The following P4HA1 variants were observed in gnomAD, a reference collection of about 807,000 sequenced individuals.
The protein encoded by P4HA1 is prolyl 4-hydroxylase subunit alpha-1.
In P4HA1, 24 loss-of-function variants were observed where a neutral mutation model predicts 72.8. The ratio of observed to expected loss-of-function variants is 0.33; its 90% confidence interval spans 0.24 to 0.46. P4HA1 has a LOEUF of 0.46. Among genes scored for constraint, P4HA1 ranks in the 20% least tolerant of loss-of-function variants. The pLI, the probability that P4HA1 is intolerant of heterozygous loss-of-function variation, is 1.00. For synonymous variants in P4HA1, 201 were observed against 218.8 expected (o/e 0.92, Z 0.72); for missense variants, 446 against 640.6 (o/e 0.70, Z 3.28).
chr10:73,047,714 T>G (rs2133091183), intron 7 of P4HA1, among the ~76,000 whole-genome samples: 1 of 152,236 alleles, frequency 6.6e-6, no homozygotes, highest in Non-Finnish European at 1.5e-5. Context: ...CATCTATGTA[T>G]TATATTAATA....
intron 10 of P4HA1, among the ~76,000 whole-genome samples, chr10:73,019,616 T>C (rs1196272186): frequency 1.3e-5 from 2 of 149,002 alleles, no homozygotes; most frequent in African/African-American, 4.9e-5. Flanking sequence ...AAGAATTCAA[T>C]GAATGCAGGA....
chr10:73,029,642 G>GTT lies in P4HA1; in HGVS notation c.1248+627_1248+628dup, dbSNP rs770544011. On this transcript the variant is annotated intron_variant, in intron 10 of 14. Transcript: ENST00000394890. ...TCTCTGGTTTATAGGCCTATGCTTA[G>GTT]TTTTTTTTTTTTACTATTGAAACCA... Among the ~76,000 whole-genome samples, 22 of 146,106 alleles carry GTT rather than the reference G, an allele frequency of 1.5e-4. No homozygotes were observed. In the East Asian group the frequency reaches 2.8e-3, roughly 18 times the overall value.
At chr10:73,046,103 T>C (rs996145667) in intron 8 of P4HA1, among the ~76,000 whole-genome samples, 4 of 152,174 alleles carry the variant, frequency 2.6e-5, no homozygotes, top group Non-Finnish European at 5.9e-5. Context: ...TTTTGCACTA[T>C]AATGGCAGAA....
At chr10:73,014,178 T>C in intron 12 of P4HA1, 46 bp downstream of exon 12, 1 of 1,218,280 alleles carries the variant, frequency 8.2e-7, no homozygotes, top group Non-Finnish European at 1.2e-6. Context: ...AAATGAATCT[T>C]GTCATCAAAT....
chr10:73,017,907 A>G (rs1272421172), intron 10 of P4HA1, among the ~76,000 whole-genome samples: 3 of 152,228 alleles, frequency 2.0e-5, no homozygotes, highest in Non-Finnish European at 4.4e-5. Context: ...AAATCAAAGG[A>G]GAACATAATT....
At chr10:73,093,014 G>A (rs1173868263) in intron 1 of P4HA1, among the ~76,000 whole-genome samples, 1 of 151,786 alleles carries the variant, frequency 6.6e-6, no homozygotes, top group Non-Finnish European at 1.5e-5. Flanking sequence ...AGCTACACCC[G>A]GAGGCTGAGG....
chr10:73,028,150 G>T (rs1471014055), intron 10 of P4HA1, among the ~76,000 whole-genome samples: 2 of 151,980 alleles, frequency 1.3e-5, no homozygotes, highest in Non-Finnish European at 2.9e-5. Context: ...GATTCAGTGT[G>T]TTGGGTGAAC....
chr10:73,092,693 T>A (rs748282621), intron 1 of P4HA1, among the ~76,000 whole-genome samples: 1 of 150,256 alleles, frequency 6.7e-6, no homozygotes, highest in Non-Finnish European at 1.5e-5. Flanking sequence ...AAAAAAAAAA[T>A]TTAAATATAA....
intron 7 of P4HA1, among the ~76,000 whole-genome samples, chr10:73,049,935 G>A (rs556367922): frequency 1.1e-4 from 17 of 152,092 alleles, no homozygotes; most frequent in Non-Finnish European, 1.9e-4. Context: ...AGGCCGAGGC[G>A]GGAGGATCAC....
chr10:73,011,965 GA>G (rs1177807477), intron 12 of P4HA1, among the ~76,000 whole-genome samples: 4 of 152,040 alleles, frequency 2.6e-5, no homozygotes, highest in African/African-American at 9.7e-5. Flanking sequence ...CTTAACCAAT[GA>G]AAAAATTAAA....
In P4HA1 at chr10:73,044,291, GA is replaced by G. The variant is rs1012874917; in HGVS notation, c.1148+689del. On this transcript the variant is annotated intron_variant, in intron 9 of 14. Coordinates refer to ENST00000394890, the MANE Select transcript of P4HA1 (RefSeq NM_001017962.3). Reference sequence around the variant, plus strand: ...GATCTAGAAGTTATTTAAATATTTTGAAAAAAAATAGTAGACTCCTTAAATT... The same window carrying G: ...GATCTAGAAGTTATTTAAATATTTTGAAAAAAATAGTAGACTCCTTAAATT... 3.9e-4 allele frequency among the ~76,000 whole-genome samples: 59 copies of G among 151,128 alleles called. 1 individual carries two copies. The highest frequency in any genetic ancestry group is 3.3e-4 in the Admixed American group (5 of 15,164).
intron 9 of P4HA1, among the ~76,000 whole-genome samples, chr10:73,035,216 C>A (rs1840541375): frequency 6.6e-6 from 1 of 151,760 alleles, no homozygotes; most frequent in Non-Finnish European, 1.5e-5. Flanking sequence ...TCCCTCACTG[C>A]CTTTTAAACT....
intron 3 of P4HA1, among the ~76,000 whole-genome samples, chr10:73,073,048 T>G (rs1318216007): frequency 6.6e-6 from 1 of 150,908 alleles, no homozygotes; most frequent in Non-Finnish European, 1.5e-5. Context: ...CGCACACCTG[T>G]AATCCCAGCT....
At chr10:73,080,570 C>G (rs1312137157) in intron 1 of P4HA1, among the ~76,000 whole-genome samples, 1 of 152,238 alleles carries the variant, frequency 6.6e-6, no homozygotes, top group Non-Finnish European at 1.5e-5. Context: ...CATCCACATT[C>G]ATTCAGAAAC....
At chr10:73,092,694 T>G (rs1217167620) in intron 1 of P4HA1, among the ~76,000 whole-genome samples, 1 of 150,706 alleles carries the variant, frequency 6.6e-6, no homozygotes, top group Admixed American at 6.6e-5. Flanking sequence ...AAAAAAAAAT[T>G]TAAATATAAA....
intron 4 of P4HA1, among the ~76,000 whole-genome samples, chr10:73,071,645 G>C (rs948781570): frequency 2.6e-5 from 4 of 151,668 alleles, no homozygotes; most frequent in African/African-American, 9.7e-5. Context: ...CAAAATACTA[G>C]ATAGAACACA....
At chr10:73,051,620 G>A (rs1841021070) in intron 6 of P4HA1, among the ~76,000 whole-genome samples, 1 of 152,060 alleles carries the variant, frequency 6.6e-6, no homozygotes, top group South Asian at 2.1e-4. Context: ...TTAGCTGGGC[G>A]TGGTGGTGGG....
chr10:73,012,576 A>G (rs1333699771), intron 12 of P4HA1, among the ~76,000 whole-genome samples: 1 of 152,042 alleles, frequency 6.6e-6, no homozygotes, highest in African/African-American at 2.4e-5. Context: ...AATTGGGGAG[A>G]AAAGGAGGCA....
chr10:73,029,358 C>G (rs897281489), intron 10 of P4HA1, among the ~76,000 whole-genome samples: 1 of 146,118 alleles, frequency 6.8e-6, no homozygotes, highest in East Asian at 2.0e-4. Flanking sequence ...TGTAGTGAGT[C>G]GAGATCATGT....
Sources: allele counts gnomAD v4.1 joint callset (sites outside exome capture counted in the v4.1 genomes callset), GRCh38; gene constraint gnomAD v4.1.1; transcripts MANE v1.5; gene names NCBI Gene and HGNC (gene_info 2026-07-23, HGNC 2026-07-21).